Variants in EFCAB5 observed in about 807,000 individuals in gnomAD.
EFCAB5 encodes EF-hand calcium-binding domain-containing protein 5.
Under a neutral mutation model 167.9 loss-of-function variants are expected in EFCAB5, and 131 were observed. That is an observed-to-expected ratio of 0.78 (90% CI 0.68 to 0.90). The LOEUF is 0.90. Ranked by LOEUF, EFCAB5 falls within the 40% of genes least tolerant of loss-of-function variation. The pLI is 0.00. For missense variants in EFCAB5, 1,663 were observed against 1,745.2 expected (o/e 0.95, Z 0.84); for synonymous variants, 574 against 602.8 (o/e 0.95, Z 0.70).
At chr17:30,102,122 T>G (rs2071390111) in intron 22 of EFCAB5, among the ~76,000 whole-genome samples, 4 of 149,656 alleles carry the variant, frequency 2.7e-5, no homozygotes. Flanking sequence ...GTAGGTGTGC[T>G]GGTAGAAGTC....
chr17:30,068,821 G>T, intron 14 of EFCAB5: 2 of 1,396,180 alleles, frequency 1.4e-6, no homozygotes, highest in Non-Finnish European at 2.0e-6. Flanking sequence ...CAAACTGAGA[G>T]ATTTTCTTCT....
chr17:29,944,932 T>G (rs2067369062), intron 3 of EFCAB5, among the ~76,000 whole-genome samples: 1 of 152,134 alleles, frequency 6.6e-6, no homozygotes, highest in Admixed American at 6.5e-5. Flanking sequence ...CAACACTGTT[T>G]ACTGTTTTTA....
intron 6 of EFCAB5, among the ~76,000 whole-genome samples, chr17:29,999,244 G>A (rs537099770): frequency 1.3e-3 from 201 of 152,068 alleles, no homozygotes; most frequent in African/African-American, 4.6e-3. Flanking sequence ...ACTATGAGTG[G>A]TAAATGAAAA....
At chr17:29,953,192 A>G (rs909169596) in intron 3 of EFCAB5, among the ~76,000 whole-genome samples, 3 of 152,200 alleles carry the variant, frequency 2.0e-5, no homozygotes, top group Non-Finnish European at 2.9e-5. Flanking sequence ...AAGTCTCAGG[A>G]TACAAAATCA....
At chr17:29,953,738 G>A (rs891065018) in intron 3 of EFCAB5, among the ~76,000 whole-genome samples, 2 of 152,240 alleles carry the variant, frequency 1.3e-5, no homozygotes, top group Non-Finnish European at 2.9e-5. Flanking sequence ...CAGAAATGTG[G>A]AAGCGACTTT....
chr17:29,999,668 C>T (rs984676859), intron 6 of EFCAB5, among the ~76,000 whole-genome samples: 8 of 151,962 alleles, frequency 5.3e-5, no homozygotes, highest in African/African-American at 1.9e-4. Context: ...TATCCCAATC[C>T]AGACATTAAA....
intron 14 of EFCAB5, among the ~76,000 whole-genome samples, chr17:30,072,016 C>A (rs897720586): frequency 2.0e-5 from 3 of 151,992 alleles, no homozygotes; most frequent in African/African-American, 7.2e-5. Flanking sequence ...GAGGGGATAT[C>A]CAAAGGTTGG....
intron 9 of EFCAB5, 132 bp downstream of exon 9, chr17:30,051,349 T>C: frequency 3.0e-6 from 2 of 669,702 alleles, no homozygotes; most frequent in Non-Finnish European, 4.9e-6. Flanking sequence ...AATAGCTCTC[T>C]TAGATCATGA....
intron 7 of EFCAB5, among the ~76,000 whole-genome samples, chr17:30,019,144 G>A (rs2151701785): frequency 6.6e-6 from 1 of 152,230 alleles, no homozygotes; most frequent in Non-Finnish European, 1.5e-5. Context: ...TGGAACAAAT[G>A]CAGTCTTTGT....
intron 18 of EFCAB5, among the ~76,000 whole-genome samples, chr17:30,083,603 C>T (rs542130387): frequency 7.9e-4 from 120 of 152,298 alleles, no homozygotes; most frequent in African/African-American, 2.6e-3. Context: ...TACAGGCATG[C>T]GCCACCACGC....
chr17:29,975,935 A>G (rs1833499688), intron 4 of EFCAB5, among the ~76,000 whole-genome samples: 1 of 152,232 alleles, frequency 6.6e-6, no homozygotes, highest in Admixed American at 6.5e-5. Context: ...TTAAAAAGAA[A>G]ACAAATTAAG....
intron 7 of EFCAB5, among the ~76,000 whole-genome samples, chr17:30,003,018 G>A (rs898703498): frequency 1.6e-4 from 24 of 145,588 alleles, no homozygotes; most frequent in African/African-American, 6.1e-4. Flanking sequence ...AGACATGAAT[G>A]TTAGATCTTT....
chr17:30,037,503 C>T lies in EFCAB5; in HGVS notation c.1200+3118C>T, dbSNP rs1463723492. 3.3e-5 allele frequency among the ~76,000 whole-genome samples: 5 copies of T among 152,180 alleles called. No homozygotes were observed. The East Asian group carries it at 7.7e-4, about 24-fold the overall frequency. On this transcript the variant is annotated intron_variant, in intron 8 of 22. Transcript: ENST00000394835. ...CAGGACTCTATATAAGCACCCCCAC[C>T]CCCCAAAATATGGGCGAAAGATATG... is the stretch of plus-strand genomic sequence containing the variant.
At chr17:30,103,552 A>G (rs1373241239) in intron 22 of EFCAB5, among the ~76,000 whole-genome samples, 4 of 152,208 alleles carry the variant, frequency 2.6e-5, no homozygotes, top group African/African-American at 4.8e-5. Flanking sequence ...CGATTACTAG[A>G]GAAAAATGTG....
chr17:29,964,678 G>T (rs2067791104), intron 3 of EFCAB5, among the ~76,000 whole-genome samples: 4 of 151,922 alleles, frequency 2.6e-5, no homozygotes, highest in African/African-American at 9.7e-5. Context: ...GGTTATTTAT[G>T]TATCTTTGCT....
chr17:30,073,250 T>A, intron 14 of EFCAB5: 1 of 641,986 alleles, frequency 1.6e-6, no homozygotes, highest in Non-Finnish European at 2.8e-6. Flanking sequence ...ATGGATGGGG[T>A]CTCTCTGTGT....
chr17:30,087,592 C>A (rs116116623), intron 19 of EFCAB5, among the ~76,000 whole-genome samples: 2,160 of 152,190 alleles, frequency 0.014, 65 homozygotes, highest in African/African-American at 0.049. Context: ...ACTTCCGGTT[C>A]CATCCATGTC....
In EFCAB5 at chr17:30,055,994, T is replaced by G. The variant is rs370271744; in HGVS notation, c.2272+29T>G. 9.9e-6 allele frequency: 16 copies of G among 1,613,336 alleles called. No individual in the cohort carries two copies. In the African/African-American group the frequency reaches 1.3e-4, roughly 13 times the overall value. On this transcript the variant is annotated intron_variant, in intron 11 of 22. Coordinates refer to ENST00000394835, the MANE Select transcript of EFCAB5 (RefSeq NM_198529.4). ...ACTCCTCATTTAATCCTCCTTTCAT[T>G]TATACCCTAGAACAAAAATATTGTG...
At chr17:29,950,326 T>C (rs2067483098) in intron 3 of EFCAB5, among the ~76,000 whole-genome samples, 2 of 150,966 alleles carry the variant, frequency 1.3e-5, no homozygotes, top group Admixed American at 6.6e-5. Context: ...CTTCCCTCTC[T>C]CTCTCCCTCC....
Sources: gnomAD v4.1 joint callset for allele counts (sites outside exome capture counted in the v4.1 genomes callset) on GRCh38, gnomAD v4.1.1 for gene constraint, MANE v1.5 for transcripts, NCBI Gene and HGNC (gene_info 2026-07-23, HGNC 2026-07-21) for gene names.